Variants in TNFRSF21 observed in about 807,000 individuals in gnomAD.
The protein encoded by TNFRSF21 is tumor necrosis factor receptor superfamily member 21.
In TNFRSF21, 19 loss-of-function variants were observed where a neutral mutation model predicts 45.6. The ratio of observed to expected loss-of-function variants is 0.42; its 90% confidence interval spans 0.29 to 0.61. TNFRSF21 has a LOEUF of 0.61. TNFRSF21 is among the 20% of genes least tolerant of loss of function. The pLI is 0.23. For synonymous variants in TNFRSF21, 314 were observed against 335.5 expected (o/e 0.94, Z 0.70); for missense variants, 737 against 851.5 (o/e 0.87, Z 1.67).
intron 3 of TNFRSF21, among the ~76,000 whole-genome samples, chr6:47,264,276 C>T (rs916391577): frequency 2.0e-5 from 3 of 152,068 alleles, no homozygotes; most frequent in African/African-American, 4.8e-5. Flanking sequence ...ACCTGTAATC[C>T]CAGCACTTTG....
At chr6:47,276,214 C>A (rs1029592675) in intron 3 of TNFRSF21, among the ~76,000 whole-genome samples, 2 of 152,128 alleles carry the variant, frequency 1.3e-5, no homozygotes, top group Non-Finnish European at 2.9e-5. Context: ...ATGGCAGGTA[C>A]ACCTGTGAGG....
At chr6:47,268,502 AAAG>A (rs1215961821) in intron 3 of TNFRSF21, among the ~76,000 whole-genome samples, 1 of 152,198 alleles carries the variant, frequency 6.6e-6, no homozygotes, top group Non-Finnish European at 1.5e-5. Context: ...AAGGAGGCAT[AAAG>A]AAGAACACCT....
At chr6:47,284,522 C>A in intron 2 of TNFRSF21, 90 bp from the exon 3 acceptor site, 1 of 1,369,482 alleles carries the variant, frequency 7.3e-7, no homozygotes, top group Non-Finnish European at 9.6e-7. Flanking sequence ...CCAAGCTAGG[C>A]CAGATAATCA....
At position 47,299,398 on chromosome 6, in the gene TNFRSF21, G is replaced by A. The variant is rs571642417; in HGVS notation, c.96+10018C>T. ...AATCCCAGCTACTCAGGAGGCTGAGGGAGGAAAATCGCTTGAACCTGGGAG... is the reference window on the plus strand; with the variant it reads ...AATCCCAGCTACTCAGGAGGCTGAGAGAGGAAAATCGCTTGAACCTGGGAG... On this transcript the variant is annotated intron_variant, in intron 1 of 5. Coordinates refer to ENST00000296861, the MANE Select transcript of TNFRSF21 (RefSeq NM_014452.5). Among the ~76,000 whole-genome samples, 10 of 152,162 alleles carry A rather than the reference G, an allele frequency of 6.6e-5. No individual in the cohort carries two copies. The South Asian group carries it at 2.1e-3, about 32-fold the overall frequency.
At chr6:47,269,438 A>C (rs1276908663) in intron 3 of TNFRSF21, among the ~76,000 whole-genome samples, 1 of 152,240 alleles carries the variant, frequency 6.6e-6, no homozygotes, top group Non-Finnish European at 1.5e-5. Flanking sequence ...GCTGAATAAC[A>C]AGTCTTTGTA....
intron 1 of TNFRSF21, among the ~76,000 whole-genome samples, chr6:47,307,975 G>A (rs1190111164): frequency 1.3e-5 from 2 of 152,144 alleles, no homozygotes; most frequent in African/African-American, 4.8e-5. Context: ...ACCTAGATGT[G>A]TTTCTCTCCA....
intron 3 of TNFRSF21, among the ~76,000 whole-genome samples, chr6:47,282,420 T>A (rs1412559854): frequency 6.6e-6 from 1 of 151,424 alleles, no homozygotes; most frequent in Non-Finnish European, 1.5e-5. Context: ...CTCAGAAAGT[T>A]TATGAATTTG....
chr6:47,268,479 G>A (rs866347377), intron 3 of TNFRSF21, among the ~76,000 whole-genome samples: 26 of 152,316 alleles, frequency 1.7e-4, no homozygotes, highest in Middle Eastern at 6.8e-3. Flanking sequence ...AAGTCTCTAA[G>A]AGGGTTCAAG....
At chr6:47,296,279 A>G (rs1475175956) in intron 1 of TNFRSF21, among the ~76,000 whole-genome samples, 1 of 152,232 alleles carries the variant, frequency 6.6e-6, no homozygotes, top group African/African-American at 2.4e-5. Context: ...CCAGCATAAA[A>G]GCACGCATAA....
Position 47,292,973 on chromosome 6 carries a change from A to AG in TNFRSF21, c.97-6379dup, listed in dbSNP as rs1245893507. ...TAACACTGCATCACTAAAATTTGCA[A>AG]GTTGGACTAGGTTGTGTTCACCTCT... On this transcript the variant is annotated intron_variant, in intron 1 of 5. Coordinates refer to ENST00000296861, the MANE Select transcript of TNFRSF21 (RefSeq NM_014452.5). Among the ~76,000 whole-genome samples, 5 of 152,184 alleles carry AG rather than the reference A, an allele frequency of 3.3e-5. No individual in the cohort carries two copies. The East Asian group carries it at 9.6e-4, about 29-fold the overall frequency.
chr6:47,244,820 C>A (rs553278482), intron 4 of TNFRSF21, among the ~76,000 whole-genome samples: 2 of 152,138 alleles, frequency 1.3e-5, no homozygotes, highest in South Asian at 4.1e-4. Context: ...TAAAATAAAA[C>A]CTACTGCTGA....
chr6:47,270,462 C>A (rs1376720891), intron 3 of TNFRSF21, among the ~76,000 whole-genome samples: 2 of 152,050 alleles, frequency 1.3e-5, no homozygotes, highest in African/African-American at 4.8e-5. Flanking sequence ...AAATGAATAG[C>A]ATCAACATAA....
intron 1 of TNFRSF21, among the ~76,000 whole-genome samples, chr6:47,291,630 A>G (rs1025983308): frequency 6.6e-6 from 1 of 152,244 alleles, no homozygotes; most frequent in Non-Finnish European, 1.5e-5. Flanking sequence ...TCCTTGGACC[A>G]GGGAGGGATG....
At chr6:47,247,227 T>C (rs1764836316) in intron 4 of TNFRSF21, among the ~76,000 whole-genome samples, 1 of 152,218 alleles carries the variant, frequency 6.6e-6, no homozygotes, top group Non-Finnish European at 1.5e-5. Flanking sequence ...TGGTTCTATG[T>C]GTGTCAGCAA....
intron 3 of TNFRSF21, among the ~76,000 whole-genome samples, chr6:47,268,634 A>G (rs1438095427): frequency 6.6e-6 from 1 of 151,988 alleles, no homozygotes; most frequent in Non-Finnish European, 1.5e-5. Flanking sequence ...CAGTTCTTTC[A>G]CCTCCCCCAG....
At chr6:47,279,885 G>A (rs1008229408) in intron 3 of TNFRSF21, among the ~76,000 whole-genome samples, 2 of 152,132 alleles carry the variant, frequency 1.3e-5, no homozygotes, top group Non-Finnish European at 2.9e-5. Flanking sequence ...AAATTGCTCT[G>A]ACTTCAGAAA....
intron 4 of TNFRSF21, 108 bp from the exon 5 acceptor site, chr6:47,235,006 C>T: frequency 1.8e-6 from 1 of 552,870 alleles, no homozygotes; most frequent in Admixed American, 4.2e-5. Flanking sequence ...TTTATATATA[C>T]ATCCTCCCAC....
chr6:47,309,017 C>T (rs1355387427), intron 1 of TNFRSF21, among the ~76,000 whole-genome samples: 1 of 152,160 alleles, frequency 6.6e-6, no homozygotes, highest in Non-Finnish European at 1.5e-5. Flanking sequence ...AGCCCCACAC[C>T]GCGGCGAGGC....
chr6:47,276,793 T>C (rs985097544), intron 3 of TNFRSF21, among the ~76,000 whole-genome samples: 1 of 152,236 alleles, frequency 6.6e-6, no homozygotes, highest in Admixed American at 6.5e-5. Context: ...AGCATAGATT[T>C]ATATCCAAGT....
Sources: allele counts gnomAD v4.1 joint callset (sites outside exome capture counted in the v4.1 genomes callset), GRCh38; gene constraint gnomAD v4.1.1; transcripts MANE v1.5; gene names NCBI Gene and HGNC (gene_info 2026-07-23, HGNC 2026-07-21).